Variants in MMP16 observed in about 807,000 individuals in gnomAD.
MMP16 encodes the protein matrix metallopeptidase 16.
Under a neutral mutation model 67.8 loss-of-function variants are expected in MMP16, and 12 were observed. The ratio of observed to expected loss-of-function variants is 0.18; its 90% CI spans 0.11 to 0.29. The LOEUF is 0.29. Ranked by LOEUF, MMP16 falls within the 10% of genes least tolerant of loss-of-function variation. The pLI, the probability that MMP16 is intolerant of heterozygous loss-of-function variation, is 1.00. For synonymous variants in MMP16, 249 were observed against 255.9 expected (o/e 0.97, Z 0.26); for missense variants, 475 against 765.7 (o/e 0.62, Z 4.48).
intron 6 of MMP16, among the ~76,000 whole-genome samples, chr8:88,110,423 A>C (rs1809314091): frequency 1.3e-5 from 2 of 151,598 alleles, no homozygotes; most frequent in Non-Finnish European, 3.0e-5. Flanking sequence ...TAAAATATTT[A>C]AAAGGCTATG....
intron 4 of MMP16, among the ~76,000 whole-genome samples, chr8:88,132,624 GAGAC>G (rs28905772): frequency 0.01 from 1,540 of 151,982 alleles, 20 homozygotes; most frequent in African/African-American, 0.035. Flanking sequence ...AGTGACTGAT[GAGAC>G]AGACAGAAAG....
chr8:88,323,550 T>C (rs1811492243), intron 1 of MMP16, among the ~76,000 whole-genome samples: 1 of 152,158 alleles, frequency 6.6e-6, no homozygotes, highest in Admixed American at 6.5e-5. Context: ...GAGTAATCAT[T>C]TTATGCTTTG....
At chr8:88,240,054 G>C (rs1317115036) in intron 1 of MMP16, among the ~76,000 whole-genome samples, 1 of 152,088 alleles carries the variant, frequency 6.6e-6, no homozygotes, top group South Asian at 2.1e-4. Context: ...ACATACTCAG[G>C]GTGTTCACTT....
chr8:88,317,266 T>C (rs1811388469), intron 1 of MMP16, among the ~76,000 whole-genome samples: 1 of 152,186 alleles, frequency 6.6e-6, no homozygotes, highest in Non-Finnish European at 1.5e-5. Context: ...AGTCAATCAA[T>C]GTGGCAAACT....
At chr8:88,310,308 A>AT (rs1811275819) in intron 1 of MMP16, among the ~76,000 whole-genome samples, 1 of 152,088 alleles carries the variant, frequency 6.6e-6, no homozygotes, top group African/African-American at 2.4e-5. Flanking sequence ...GATGGAGATG[A>AT]TTTTTTAAAA....
rs764101763 is a variant in MMP16, at chr8:88,116,627, G to A, written c.963C>T (p.Asp321=). The A allele has an allele frequency of 5.6e-6, 9 of 1,613,914 alleles. No individual in the cohort carries two copies. Among genetic ancestry groups the A allele is most frequent in the Non-Finnish European group, 6.8e-6 (8 of 1,179,888 alleles). Residue 321 remains aspartate, a synonymous_variant, in exon 6 of 10, where the codon GAC becomes GAT. Coordinates refer to ENST00000286614, the MANE Select transcript of MMP16 (RefSeq NM_005941.5). The part of the protein sequence containing the change: ...SIPPADPRKN[D]RPKPPRPPTG... ...TTGGAGGCCGAGGAGGTTTTGGCCT[G>A]TCATTTTTCCTTGGGTCAGCCGGAG...
chr8:88,242,995 C>T (rs1470310848), intron 1 of MMP16, among the ~76,000 whole-genome samples: 1 of 152,110 alleles, frequency 6.6e-6, no homozygotes, highest in Non-Finnish European at 1.5e-5. Flanking sequence ...ACCTGTATGT[C>T]TTTAACCTGT....
At chr8:88,282,964 GCTTT>G (rs1810765042) in intron 1 of MMP16, among the ~76,000 whole-genome samples, 1 of 151,830 alleles carries the variant, frequency 6.6e-6, no homozygotes, top group Non-Finnish European at 1.5e-5. Context: ...ATACTCTATG[GCTTT>G]CTTTTTTATA....
intron 1 of MMP16, among the ~76,000 whole-genome samples, chr8:88,264,068 AGTGTGTGTGT>A (rs71277993): frequency 1.2e-4 from 17 of 141,328 alleles, no homozygotes; most frequent in African/African-American, 2.7e-4. Flanking sequence ...GGAGAGAGAG[AGTGTGTGTGT>A]GTGTGTGTGT....
chr8:88,124,228 T>C (rs1186506610), intron 4 of MMP16, among the ~76,000 whole-genome samples: 3 of 151,914 alleles, frequency 2.0e-5, no homozygotes, highest in Non-Finnish European at 4.4e-5. Context: ...CTTGCAGAAT[T>C]AAAAAAATAG....
chr8:88,198,958 C>A (rs1177561080), intron 1 of MMP16, among the ~76,000 whole-genome samples: 2 of 151,900 alleles, frequency 1.3e-5, no homozygotes, highest in Non-Finnish European at 2.9e-5. Context: ...AGGAGGCAGG[C>A]AATATTATTT....
At chr8:88,043,897 C>T (rs1031420210) in intron 9 of MMP16, among the ~76,000 whole-genome samples, 10 of 152,100 alleles carry the variant, frequency 6.6e-5, no homozygotes, top group Admixed American at 2.6e-4. Context: ...AGATGAATAA[C>T]GGCATTGATC....
chr8:88,279,920 GAGAA>G (rs543490420), intron 1 of MMP16, among the ~76,000 whole-genome samples: 285 of 152,224 alleles, frequency 1.9e-3, no homozygotes, highest in African/African-American at 6.5e-3. Flanking sequence ...TTTTAAAAAA[GAGAA>G]AGAAAGACAT....
intron 1 of MMP16, among the ~76,000 whole-genome samples, chr8:88,254,676 C>T (rs1418814806): frequency 6.6e-6 from 1 of 152,024 alleles, no homozygotes; most frequent in Non-Finnish European, 1.5e-5. Flanking sequence ...TACATAACAA[C>T]ACTGTGAAGA....
intron 6 of MMP16, among the ~76,000 whole-genome samples, chr8:88,106,200 T>C (rs1460930268): frequency 1.3e-5 from 2 of 151,166 alleles, no homozygotes; most frequent in Admixed American, 1.3e-4. Context: ...CTTTTAGGGA[T>C]AATTTGTATC....
chr8:88,288,705 AAT>A (rs1810872505), intron 1 of MMP16, among the ~76,000 whole-genome samples: 1 of 152,246 alleles, frequency 6.6e-6, no homozygotes, highest in Non-Finnish European at 1.5e-5. Context: ...TATTGGGAGT[AAT>A]AGTTTCCACA....
chr8:88,128,261 T>C (rs542320335), intron 4 of MMP16, among the ~76,000 whole-genome samples: 1 of 151,956 alleles, frequency 6.6e-6, no homozygotes, highest in East Asian at 1.9e-4. Flanking sequence ...AGCATACACA[T>C]TTGGACACCA....
chr8:88,287,492 T>C (rs1303281493), intron 1 of MMP16, among the ~76,000 whole-genome samples: 1 of 152,224 alleles, frequency 6.6e-6, no homozygotes, highest in African/African-American at 2.4e-5. Flanking sequence ...TAATTTTCTA[T>C]TTACTTCATA....
chr8:88,133,319 T>G (rs1328422487), intron 4 of MMP16, among the ~76,000 whole-genome samples: 1 of 130,238 alleles, frequency 7.7e-6, no homozygotes, highest in African/African-American at 3.0e-5. Context: ...TGCTAAATTT[T>G]GAAATGAAGT....
Sources: allele counts gnomAD v4.1 joint callset (sites outside exome capture counted in the v4.1 genomes callset), GRCh38; gene constraint gnomAD v4.1.1; transcripts MANE v1.5; gene names NCBI Gene and HGNC (gene_info 2026-07-23, HGNC 2026-07-21).